The following EPHA6 variants were observed in gnomAD, a reference collection of about 807,000 sequenced individuals.
EPHA6 encodes the protein ephrin type-A receptor 6.
Under a neutral mutation model 112.0 loss-of-function variants are expected in EPHA6, and 50 were observed. That is an observed-to-expected ratio of 0.45 (90% CI 0.36 to 0.56). The LOEUF (loss-of-function observed/expected upper bound fraction) is 0.56, where lower values mean the gene tolerates loss of function less well. Among genes scored for constraint, EPHA6 ranks in the 20% least tolerant of loss-of-function variants. The pLI, the probability that EPHA6 is intolerant of heterozygous loss-of-function variation, is 0.00. For synonymous variants in EPHA6, 529 were observed against 490.7 expected, an observed-to-expected ratio of 1.08 and a Z score of -1.03; for missense variants, 1,280 against 1,417.4, an observed-to-expected ratio of 0.90 and a Z score of 1.56.
chr3:97,253,206 G>A (rs769792230), intron 5 of EPHA6, among the ~76,000 whole-genome samples: 38 of 152,170 alleles, frequency 2.5e-4, no homozygotes, highest in Non-Finnish European at 4.4e-4. Flanking sequence ...TATATATGAA[G>A]TAATAAATGA....
chr3:97,127,229 T>C (rs1028471157), intron 3 of EPHA6, among the ~76,000 whole-genome samples: 6 of 152,152 alleles, frequency 3.9e-5, no homozygotes, highest in Non-Finnish European at 8.8e-5. Context: ...TATGATCTAA[T>C]GGTAATAAAC....
In EPHA6 at chr3:97,094,650, G is replaced by T. The variant is rs2047182816; in HGVS notation, c.1114+106657G>T. ...ATGATTGAAATATAAACAAGAAAGA[G>T]GGGAAAATGTCAAGTGTATCTCATT... is the stretch of plus-strand genomic sequence containing the variant. On this transcript the variant is annotated intron_variant, in intron 3 of 17. Transcript: ENST00000389672. Among the ~76,000 whole-genome samples, 5 of 152,102 alleles carry T rather than the reference G, an allele frequency of 3.3e-5. No homozygotes were observed. The South Asian group carries it at 1.0e-3, about 31-fold the overall frequency.
intron 6 of EPHA6, among the ~76,000 whole-genome samples, chr3:97,425,542 TGGGCCC>T: frequency 6.6e-6 from 1 of 152,260 alleles, no homozygotes; most frequent in Admixed American, 6.5e-5. Flanking sequence ...AGAGGGGCCC[TGGGCCC>T]AGCCATGAAA....
At position 97,754,765 on chromosome 3, in the gene EPHA6, G is replaced by A. The variant is rs1193227477; in HGVS notation, c.*6064G>A. 2.6e-5 allele frequency among the ~76,000 whole-genome samples: 4 copies of A among 152,092 alleles called. No individual in the cohort carries two copies. The stretch of plus-strand genomic sequence containing the variant: ...GTCGCCTAGGCTGGAGTGCAGTGGC[G>A]AGATCTCGGCTCACTGCTAACTCCG... On this transcript the variant is annotated 3_prime_UTR_variant, in exon 18 of 18. Transcript: ENST00000389672.
Position 97,331,237 on chromosome 3 carries a change from ACATT to A in EPHA6, c.1607-73910_1607-73907del, listed in dbSNP as rs558935398. Among the ~76,000 whole-genome samples the A allele has an allele frequency of 2.2e-3, 331 of 152,294 alleles. 2 individuals are homozygous for A. Among genetic ancestry groups the A allele is most frequent in the African/African-American group, 7.8e-3 (326 of 41,564 alleles). On this transcript the variant is annotated intron_variant, in intron 5 of 17. Transcript: ENST00000389672. ...CAACATACCAGAATCTGTAGGAGAC[ACATT>A]CAAAGCAGTGTGTAGAGGGAAATTT...
chr3:97,684,647 A>C (rs1340323195), intron 14 of EPHA6, among the ~76,000 whole-genome samples: 1 of 152,170 alleles, frequency 6.6e-6, no homozygotes, highest in Non-Finnish European at 1.5e-5. Context: ...TCCATGCTGA[A>C]TCACTGCAAA....
chr3:96,986,168 G>A (rs1244909570), intron 2 of EPHA6, among the ~76,000 whole-genome samples: 1 of 152,122 alleles, frequency 6.6e-6, no homozygotes, highest in Non-Finnish European at 1.5e-5. Flanking sequence ...ATAGAAGTAT[G>A]CAATATTAAA....
At chr3:97,432,079 C>T (rs542490163) in intron 6 of EPHA6, among the ~76,000 whole-genome samples, 55 of 152,144 alleles carry the variant, frequency 3.6e-4, no homozygotes, top group African/African-American at 9.6e-4. Flanking sequence ...TACCTCAAGA[C>T]GTTGATGTTA....
chr3:97,502,374 G>A (rs1270425498), intron 10 of EPHA6, among the ~76,000 whole-genome samples: 2 of 151,408 alleles, frequency 1.3e-5, no homozygotes, highest in African/African-American at 2.4e-5. Context: ...TCACCACGTT[G>A]GGCAGGCTGG....
At chr3:97,654,998 G>A (rs1310311322) in intron 14 of EPHA6, among the ~76,000 whole-genome samples, 2 of 151,278 alleles carry the variant, frequency 1.3e-5, no homozygotes, top group Non-Finnish European at 3.0e-5. Context: ...AAATGATGGT[G>A]CCTTAGTTTA....
chr3:97,449,872 T>G (rs1195230389), intron 7 of EPHA6, among the ~76,000 whole-genome samples: 1 of 152,126 alleles, frequency 6.6e-6, no homozygotes, highest in African/African-American at 2.4e-5. Context: ...ATGAAGCTAC[T>G]TGGGTTTCAG....
chr3:97,142,729 C>T (rs1279475326), intron 3 of EPHA6, among the ~76,000 whole-genome samples: 1 of 151,708 alleles, frequency 6.6e-6, no homozygotes, highest in Non-Finnish European at 1.5e-5. Flanking sequence ...CCCAATCTTA[C>T]CAGACTATCT....
Position 96,914,023 on chromosome 3 carries a change from G to A in EPHA6, c.450+47134G>A, listed in dbSNP as rs543806513. On this transcript the variant is annotated intron_variant, in intron 2 of 17. Transcript: ENST00000389672. Reference sequence around the variant, plus strand: ...ATATGATCAACAATGTTAAATATGCGCCTAACGATATGAATTTCTCTTATT... The same window carrying A: ...ATATGATCAACAATGTTAAATATGCACCTAACGATATGAATTTCTCTTATT... Among the ~76,000 whole-genome samples the A allele has an allele frequency of 1.2e-3, 177 of 152,120 alleles. 1 individual carries two copies. Among genetic ancestry groups the A allele is most frequent in the African/African-American group, 3.6e-3 (149 of 41,524 alleles).
At chr3:97,413,208 A>T (rs549700861) in intron 6 of EPHA6, among the ~76,000 whole-genome samples, 1 of 152,068 alleles carries the variant, frequency 6.6e-6, no homozygotes, top group South Asian at 2.1e-4. Flanking sequence ...ATGTAAATAT[A>T]ATGTTCCTAC....
At chr3:96,947,399 G>A (rs2041322983) in intron 2 of EPHA6, among the ~76,000 whole-genome samples, 1 of 152,040 alleles carries the variant, frequency 6.6e-6, no homozygotes, top group African/African-American at 2.4e-5. Context: ...TTCTACATAT[G>A]GCTAGCCAGT....
intron 4 of EPHA6, 33 bp from the exon 5 acceptor site, chr3:97,243,919 A>G: frequency 6.8e-7 from 1 of 1,472,066 alleles, no homozygotes; most frequent in Non-Finnish European, 9.3e-7. Flanking sequence ...TGTCCTATAT[A>G]TGTACATTTG....
intron 2 of EPHA6, among the ~76,000 whole-genome samples, chr3:96,868,004 A>T (rs1189346479): frequency 6.6e-6 from 1 of 151,838 alleles, no homozygotes; most frequent in Non-Finnish European, 1.5e-5. Flanking sequence ...ACTGTTTCTG[A>T]GGTATATATC....
At chr3:97,477,172 CA>C (rs963996857) in intron 8 of EPHA6, among the ~76,000 whole-genome samples, 8 of 152,030 alleles carry the variant, frequency 5.3e-5, no homozygotes, top group Non-Finnish European at 2.9e-5. Context: ...GGACAGAAAG[CA>C]AATTTTGGAA....
At chr3:97,162,514 G>A (rs1218338117) in intron 3 of EPHA6, among the ~76,000 whole-genome samples, 1 of 152,160 alleles carries the variant, frequency 6.6e-6, no homozygotes, top group African/African-American at 2.4e-5. Flanking sequence ...CTAACTGGTA[G>A]ACCATAGCCA....
Sources: allele counts gnomAD v4.1 joint callset (sites outside exome capture counted in the v4.1 genomes callset), GRCh38; gene constraint gnomAD v4.1.1; transcripts MANE v1.5; gene names NCBI Gene and HGNC (gene_info 2026-07-23, HGNC 2026-07-21).